Variants in BTRC observed in about 807,000 individuals in gnomAD.
BTRC encodes F-box/WD repeat-containing protein 1A.
In BTRC, 42 loss-of-function variants were observed where a neutral mutation model predicts 85.5. The ratio of observed to expected loss-of-function variants is 0.49; its 90% CI spans 0.38 to 0.64. The LOEUF is 0.64. Among genes scored for constraint, BTRC ranks in the 30% least tolerant of loss-of-function variants. The pLI, the probability that BTRC is intolerant of heterozygous loss-of-function variation, is 0.00. For synonymous variants in BTRC, 255 were observed against 263.3 expected (o/e 0.97, Z 0.30); for missense variants, 594 against 743.5 (o/e 0.80, Z 2.34).
At chr10:101,478,818 A>AAC (rs1945760779) in intron 3 of BTRC, among the ~76,000 whole-genome samples, 1 of 151,278 alleles carries the variant, frequency 6.6e-6, no homozygotes, top group African/African-American at 2.4e-5. Context: ...AAGAGAAAGA[A>AAC]ACATGTCCTC....
chr10:101,437,677 A>G (rs1039906530), intron 2 of BTRC, among the ~76,000 whole-genome samples: 1 of 152,200 alleles, frequency 6.6e-6, no homozygotes, highest in East Asian at 1.9e-4. Flanking sequence ...TATCTCATAG[A>G]TAGCTGCTCA....
intron 1 of BTRC, among the ~76,000 whole-genome samples, chr10:101,364,614 T>C (rs144146653): frequency 6.6e-6 from 1 of 152,312 alleles, no homozygotes; most frequent in Non-Finnish European, 1.5e-5. Flanking sequence ...GAGACAGATA[T>C]CCAGGAATTA....
chr10:101,412,217 C>G (rs1309088665), intron 1 of BTRC, among the ~76,000 whole-genome samples: 2 of 152,178 alleles, frequency 1.3e-5, no homozygotes, highest in Non-Finnish European at 2.9e-5. Flanking sequence ...TATTTGGAAC[C>G]TTTTTCTACA....
chr10:101,421,440 TA>T (rs1384539159), intron 1 of BTRC, among the ~76,000 whole-genome samples: 3 of 152,196 alleles, frequency 2.0e-5, no homozygotes, highest in Non-Finnish European at 2.9e-5. Flanking sequence ...CATCAACGTG[TA>T]ATTTATTTAA....
intron 3 of BTRC, among the ~76,000 whole-genome samples, chr10:101,466,856 G>GA (rs1945386058): frequency 6.6e-6 from 1 of 152,088 alleles, no homozygotes. Flanking sequence ...CCCCTCCCCT[G>GA]AAAAAATTCC....
At chr10:101,478,652 C>T (rs1589525074) in intron 3 of BTRC, among the ~76,000 whole-genome samples, 1 of 151,348 alleles carries the variant, frequency 6.6e-6, no homozygotes, top group Non-Finnish European at 1.5e-5. Flanking sequence ...ATTAGCTGGG[C>T]GTGGTAGCGT....
intron 3 of BTRC, among the ~76,000 whole-genome samples, chr10:101,462,524 C>T (rs1449344530): frequency 6.6e-6 from 1 of 151,778 alleles, no homozygotes; most frequent in African/African-American, 2.4e-5. Context: ...ACTAAAAATA[C>T]AAAAATTTGC....
intron 4 of BTRC, among the ~76,000 whole-genome samples, chr10:101,517,909 C>CTTTTTTT (rs142382301): frequency 8.6e-6 from 1 of 116,124 alleles, no homozygotes; most frequent in Non-Finnish European, 1.8e-5. Context: ...GAAGTAGTGT[C>CTTTTTTT]TTTTTTTTTT....
Position 101,533,062 on chromosome 10 carries a change from C to T in BTRC, c.1089C>T (p.Ser363=), listed in dbSNP as rs759230003. ...ERVIITGSSD[S]TVRVWDVNTG... ...TGATCATAACAGGATCATCGGATTC[C>T]ACGGTCAGGTAGAAAATTTCAAATG... Residue 363 remains serine, a synonymous_variant, in exon 9 of 15, where the codon TCC becomes TCT. Transcript: ENST00000370187. The T allele has an allele frequency of 5.6e-6, 9 of 1,607,170 alleles. No homozygotes were observed. Among genetic ancestry groups the T allele is most frequent in the Non-Finnish European group, 7.7e-6 (9 of 1,174,072 alleles).
intron 4 of BTRC, among the ~76,000 whole-genome samples, chr10:101,482,363 G>A (rs1945857306): frequency 6.8e-6 from 1 of 147,706 alleles, no homozygotes; most frequent in African/African-American, 2.5e-5. Flanking sequence ...TGTGTCTCAT[G>A]ATCCCTGTTT....
At chr10:101,366,776 A>ATTTTTTTTT (rs1487948167) in intron 1 of BTRC, among the ~76,000 whole-genome samples, 15 of 110,706 alleles carry the variant, frequency 1.4e-4, no homozygotes, top group Non-Finnish European at 2.4e-4. Flanking sequence ...TTATATATAT[A>ATTTTTTTTT]TATATATATA....
chr10:101,457,072 TTAGTCA>T (rs989831586), intron 2 of BTRC, among the ~76,000 whole-genome samples: 1 of 152,200 alleles, frequency 6.6e-6, no homozygotes, highest in African/African-American at 2.4e-5. Flanking sequence ...AATTTATAAA[TTAGTCA>T]TAGTAAGAGA....
intron 13 of BTRC, among the ~76,000 whole-genome samples, chr10:101,547,227 C>T (rs1193234176): frequency 1.3e-5 from 2 of 151,654 alleles, no homozygotes; most frequent in African/African-American, 4.9e-5. Context: ...TGCTTGAACC[C>T]GGGAGGCGGA....
At chr10:101,460,845 C>A (rs560904985) in intron 2 of BTRC, among the ~76,000 whole-genome samples, 9 of 152,230 alleles carry the variant, frequency 5.9e-5, no homozygotes, top group Admixed American at 1.3e-4. Context: ...AATAAACTAA[C>A]CCTCCTGTTA....
chr10:101,377,404 C>G (rs535113246), intron 1 of BTRC, among the ~76,000 whole-genome samples: 2 of 152,158 alleles, frequency 1.3e-5, no homozygotes, highest in South Asian at 4.1e-4. Context: ...CTCTAAATAC[C>G]CATGAGGGAG....
chr10:101,548,596 C>CA (rs2062595604), intron 13 of BTRC, among the ~76,000 whole-genome samples: 2 of 151,922 alleles, frequency 1.3e-5, no homozygotes, highest in African/African-American at 4.8e-5. Context: ...TACTAAAATA[C>CA]AAAAAATTAG....
intron 1 of BTRC, among the ~76,000 whole-genome samples, chr10:101,376,575 A>G (rs1942795788): frequency 6.6e-6 from 1 of 152,196 alleles, no homozygotes; most frequent in South Asian, 2.1e-4. Flanking sequence ...ACTACATTAA[A>G]ATCACATCAC....
intron 3 of BTRC, among the ~76,000 whole-genome samples, chr10:101,474,647 G>GCCA (rs1192889212): frequency 4.6e-5 from 7 of 152,162 alleles, no homozygotes; most frequent in Non-Finnish European, 1.0e-4. Flanking sequence ...TCTATTGCCA[G>GCCA]CCACTATGGC....
rs1264656361 is a variant in BTRC, at chr10:101,553,170, C to G, written c.*47C>G. 6.6e-6 allele frequency: 1 copy of G among 152,618 alleles called. No individual in the cohort carries two copies. Among genetic ancestry groups the G allele is most frequent in the Non-Finnish European group, 1.5e-5 (1 of 68,042 alleles). The allele number at this position is 152,618 out of a possible 1,614,324, so 9.5% of individuals were successfully genotyped here. ...TTTCACACAGGACCCATTAAAGTTGCGGTATTTAACGTATCTGCCAATACC... is the reference window on the plus strand; with the variant it reads ...TTTCACACAGGACCCATTAAAGTTGGGGTATTTAACGTATCTGCCAATACC... On this transcript the variant is annotated 3_prime_UTR_variant, in exon 15 of 15. Coordinates refer to ENST00000370187, the MANE Select transcript of BTRC (RefSeq NM_033637.4).
Sources: allele counts gnomAD v4.1 joint callset (sites outside exome capture counted in the v4.1 genomes callset), GRCh38; gene constraint gnomAD v4.1.1; transcripts MANE v1.5; gene names NCBI Gene and HGNC (gene_info 2026-07-23, HGNC 2026-07-21).